The following TAB2 variants were observed in gnomAD, a reference collection of about 807,000 sequenced individuals.
TAB2 encodes TGF-beta-activated kinase 1 and MAP3K7-binding protein 2.
Under a neutral mutation model 65.0 loss-of-function variants are expected in TAB2, and 3 were observed. The ratio of observed to expected loss-of-function variants is 0.05; its 90% CI spans 0.02 to 0.12. TAB2 has a LOEUF of 0.12. Among genes scored for constraint, TAB2 ranks in the 10% least tolerant of loss-of-function variants. TAB2 has a pLI of 1.00. For missense variants in TAB2, 623 were observed against 840.3 expected (o/e 0.74, Z 3.20); for synonymous variants, 298 against 285.1 (o/e 1.05, Z -0.46).
chr6:149,303,487 C>T (rs1163607910), intron 1 of TAB2, among the ~76,000 whole-genome samples: 3 of 152,010 alleles, frequency 2.0e-5, no homozygotes, highest in South Asian at 4.1e-4. Context: ...TGTGTGTTCA[C>T]ATTATGTATT....
intron 1 of TAB2, among the ~76,000 whole-genome samples, chr6:149,312,702 C>T (rs1304809319): frequency 6.6e-6 from 1 of 152,272 alleles, no homozygotes; most frequent in East Asian, 1.9e-4. Context: ...TTGCTTTTCA[C>T]ATATTTGAGA....
chr6:149,407,897 A>C (rs1303229142), intron 6 of TAB2, among the ~76,000 whole-genome samples: 1 of 152,176 alleles, frequency 6.6e-6, no homozygotes, highest in Non-Finnish European at 1.5e-5. Flanking sequence ...TATTACTTAA[A>C]TAATCAAAAA....
At chr6:149,366,731 C>T (rs1002786958) in intron 1 of TAB2, among the ~76,000 whole-genome samples, 1 of 152,074 alleles carries the variant, frequency 6.6e-6, no homozygotes, top group African/African-American at 2.4e-5. Flanking sequence ...CGTTACTCAG[C>T]CATCACAGGA....
chr6:149,401,850 C>T (rs1782426553), intron 6 of TAB2, among the ~76,000 whole-genome samples: 1 of 151,604 alleles, frequency 6.6e-6, no homozygotes, highest in Non-Finnish European at 1.5e-5. Flanking sequence ...TAAACACAGT[C>T]TTGAATAATC....
intron 1 of TAB2, among the ~76,000 whole-genome samples, chr6:149,359,858 T>C (rs1324461951): frequency 6.6e-6 from 1 of 152,216 alleles, no homozygotes; most frequent in Non-Finnish European, 1.5e-5. Context: ...GGTTCTGAAC[T>C]AGCTCAGTAC....
chr6:149,328,292 A>G (rs1345758122), intron 1 of TAB2, among the ~76,000 whole-genome samples: 3 of 152,120 alleles, frequency 2.0e-5, no homozygotes, highest in Non-Finnish European at 4.4e-5. Flanking sequence ...TCTCATCTCT[A>G]CATTCTGTTT....
chr6:149,222,860 A>G (rs73602091), intron 1 of TAB2, among the ~76,000 whole-genome samples: 2,590 of 152,244 alleles, frequency 0.017, 76 homozygotes, highest in African/African-American at 0.057. Flanking sequence ...TGCAGTTAGA[A>G]AAGCTACTTT....
chr6:149,262,795 T>C (rs1778181658), intron 1 of TAB2, among the ~76,000 whole-genome samples: 1 of 152,084 alleles, frequency 6.6e-6, no homozygotes. Flanking sequence ...ACTCCTTTTT[T>C]TCCTTTTTCT....
At chr6:149,314,045 A>G (rs1562410364), upstream of TAB2, among the ~76,000 whole-genome samples, 1 of 152,222 alleles carries the variant, frequency 6.6e-6, no homozygotes, top group East Asian at 1.9e-4. Flanking sequence ...GAGTTTCTCA[A>G]TCTTTCAGAC....
chr6:149,229,416 GTGTT>G (rs1416728258), intron 1 of TAB2, among the ~76,000 whole-genome samples: 1 of 151,662 alleles, frequency 6.6e-6, no homozygotes, highest in Non-Finnish European at 1.5e-5. Context: ...GTGTGTGTGT[GTGTT>G]TGTGTGTGTG....
chr6:149,338,848 C>T (rs1355417928), intron 1 of TAB2, among the ~76,000 whole-genome samples: 7 of 152,176 alleles, frequency 4.6e-5, no homozygotes, highest in Non-Finnish European at 7.3e-5. Context: ...AGATAATTCA[C>T]CTTGTAGCAG....
intron 1 of TAB2, among the ~76,000 whole-genome samples, chr6:149,369,612 C>T (rs1000110049): frequency 2.0e-5 from 3 of 152,108 alleles, no homozygotes; most frequent in Non-Finnish European, 2.9e-5. Context: ...TTTCTTCTCC[C>T]TTTTTAAAAG....
At chr6:149,265,615 A>G (rs1778248993) in intron 1 of TAB2, among the ~76,000 whole-genome samples, 1 of 152,118 alleles carries the variant, frequency 6.6e-6, no homozygotes, top group African/African-American at 2.4e-5. Context: ...ATCTGTACTG[A>G]AAGTAAAGTT....
intron 1 of TAB2, among the ~76,000 whole-genome samples, chr6:149,357,902 T>C (rs917017602): frequency 6.6e-6 from 1 of 152,134 alleles, no homozygotes; most frequent in African/African-American, 2.4e-5. Flanking sequence ...GATTTCACCA[T>C]GTTGGCCAGG....
chr6:149,390,999 G>A (rs568791446), intron 3 of TAB2, among the ~76,000 whole-genome samples: 15 of 152,016 alleles, frequency 9.9e-5, no homozygotes, highest in South Asian at 2.1e-4. Context: ...CGCCATTCTT[G>A]GATCTTATAT....
At chr6:149,348,880 T>C (rs1358438120) in intron 1 of TAB2, among the ~76,000 whole-genome samples, 3 of 151,744 alleles carry the variant, frequency 2.0e-5, no homozygotes, top group Non-Finnish European at 4.4e-5. Context: ...GGCAGGAGAA[T>C]TGCTTCAATC....
intron 1 of TAB2, among the ~76,000 whole-genome samples, chr6:149,332,694 G>A (rs540968132): frequency 1.2e-3 from 176 of 152,108 alleles, no homozygotes; most frequent in Non-Finnish European, 1.8e-3. Context: ...TTATCTTACA[G>A]ATAAAAACAG....
chr6:149,386,650 CAGTTAAT>C (rs1197782696), intron 3 of TAB2, among the ~76,000 whole-genome samples: 1 of 152,134 alleles, frequency 6.6e-6, no homozygotes, highest in Non-Finnish European at 1.5e-5. Context: ...ATTCATTCAT[CAGTTAAT>C]AGACATTTTG....
chr6:149,296,581 AT>A (rs1778880992), intron 1 of TAB2, among the ~76,000 whole-genome samples: 1 of 152,276 alleles, frequency 6.6e-6, no homozygotes, highest in East Asian at 1.9e-4. Flanking sequence ...GAGAGGGGAA[AT>A]TGATTTGAAT....
Sources: allele counts gnomAD v4.1 joint callset (sites outside exome capture counted in the v4.1 genomes callset), GRCh38; gene constraint gnomAD v4.1.1; transcripts MANE v1.5; gene names NCBI Gene and HGNC (gene_info 2026-07-23, HGNC 2026-07-21).